Variants in NTRK3 observed in about 807,000 individuals in gnomAD.
NTRK3 encodes the protein neurotrophic receptor tyrosine kinase 3.
A neutral mutation model predicts 91.7 loss-of-function variants in NTRK3; 24 were observed. The ratio of observed to expected loss-of-function variants is 0.26; its 90% confidence interval spans 0.19 to 0.37. NTRK3 has a LOEUF of 0.37. Among genes scored for constraint, NTRK3 ranks in the 10% least tolerant of loss-of-function variants. The pLI is 1.00. For missense variants in NTRK3, 880 were observed against 1,068.9 expected (o/e 0.82, Z 2.46); for synonymous variants, 483 against 404.0 (o/e 1.20, Z -2.34).
intron 17 of NTRK3, 41 bp from the exon 19 acceptor site, chr15:87,880,469 G>A (rs981687072): frequency 6.2e-7 from 1 of 1,603,892 alleles, no homozygotes; most frequent in Non-Finnish European, 8.5e-7. Flanking sequence ...GTGACCAGAT[G>A]GCCAGAATGA....
intron 5 of NTRK3, among the ~76,000 whole-genome samples, chr15:88,170,510 T>A (rs1257062036): frequency 6.6e-6 from 1 of 152,268 alleles, no homozygotes; most frequent in Non-Finnish European, 1.5e-5. Flanking sequence ...TTGTTCACTC[T>A]GTCCTCACAA....
chr15:87,994,661 T>C (rs1454035569), intron 14 of NTRK3, among the ~76,000 whole-genome samples: 5 of 152,138 alleles, frequency 3.3e-5, no homozygotes, highest in Admixed American at 3.3e-4. Flanking sequence ...ACAGCAGCCC[T>C]AGCAAACTAA....
At chr15:87,902,361 A>T (rs918994800) in intron 17 of NTRK3, among the ~76,000 whole-genome samples, 3 of 152,228 alleles carry the variant, frequency 2.0e-5, no homozygotes, top group African/African-American at 7.2e-5. Context: ...TTCACTACTG[A>T]ACATCTAGGT....
At chr15:88,099,827 A>G (rs1336827688) in intron 13 of NTRK3, among the ~76,000 whole-genome samples, 1 of 152,178 alleles carries the variant, frequency 6.6e-6, no homozygotes, top group East Asian at 1.9e-4. Flanking sequence ...ATTGAACGCT[A>G]TGGTGGGGCG....
intron 17 of NTRK3, among the ~76,000 whole-genome samples, chr15:87,917,107 GA>G (rs1161748216): frequency 6.6e-6 from 1 of 152,200 alleles, no homozygotes; most frequent in Non-Finnish European, 1.5e-5. Context: ...TAGTTTTTCT[GA>G]GTCTTATAAT....
chr15:88,256,680 T>C (rs1217080612), exon 1 of NTRK3: 6 of 394,926 alleles, frequency 1.5e-5, no homozygotes, highest in African/African-American at 2.1e-5. Context: ...GAAGATGCAG[T>C]AGGAGCTGCA....
chr15:88,203,869 T>C (rs1049122958), intron 3 of NTRK3, among the ~76,000 whole-genome samples: 8 of 152,198 alleles, frequency 5.3e-5, no homozygotes, highest in Non-Finnish European at 8.8e-5. Context: ...CAAAGATAAT[T>C]TTTTTAAATG....
At chr15:87,970,033 G>A (rs2073126715) in intron 14 of NTRK3, among the ~76,000 whole-genome samples, 1 of 152,182 alleles carries the variant, frequency 6.6e-6, no homozygotes, top group Non-Finnish European at 1.5e-5. Context: ...GTGACTCATG[G>A]GGACATGGTA....
chr15:87,894,440 T>G (rs73452628), intron 17 of NTRK3, among the ~76,000 whole-genome samples: 3,335 of 152,330 alleles, frequency 0.022, 138 homozygotes, highest in African/African-American at 0.076. Flanking sequence ...TGTGTGACAA[T>G]GCATGTGCAT....
chr15:88,148,300 T>A (rs1597603265), intron 5 of NTRK3, among the ~76,000 whole-genome samples: 1 of 152,348 alleles, frequency 6.6e-6, no homozygotes, highest in Non-Finnish European at 1.5e-5. Context: ...AAATATTTAT[T>A]GAGGCTACAC....
chr15:87,896,208 C>T (rs182000340), intron 17 of NTRK3, among the ~76,000 whole-genome samples: 2 of 152,256 alleles, frequency 1.3e-5, no homozygotes, highest in African/African-American at 2.4e-5. Flanking sequence ...TGCAGTGGCT[C>T]ACGCCTGTAA....
intron 3 of NTRK3, among the ~76,000 whole-genome samples, chr15:88,221,945 T>C (rs1373790182): frequency 6.6e-6 from 1 of 152,240 alleles, no homozygotes; most frequent in African/African-American, 2.4e-5. Context: ...CAGAGATAAC[T>C]GCCAGAACCA....
exon 19 of NTRK3, chr15:87,874,974 G>C: frequency 4.3e-6 from 1 of 232,300 alleles, no homozygotes; most frequent in East Asian, 6.1e-5. Context: ...AACCAGCCTC[G>C]TTGATCCCAA....
intron 5 of NTRK3, among the ~76,000 whole-genome samples, chr15:88,182,550 C>T (rs1185127634): frequency 6.6e-6 from 1 of 152,168 alleles, no homozygotes; most frequent in Non-Finnish European, 1.5e-5. Context: ...CAATAGACCC[C>T]TCCCCACCTG....
intron 3 of NTRK3, among the ~76,000 whole-genome samples, chr15:88,223,403 CAGA>C: frequency 6.6e-6 from 1 of 152,194 alleles, no homozygotes; most frequent in East Asian, 1.9e-4. Flanking sequence ...CGCTCAGAGG[CAGA>C]AGGAGCAGCT....
chr15:88,163,963 G>C (rs1027810989), intron 5 of NTRK3, among the ~76,000 whole-genome samples: 1 of 152,148 alleles, frequency 6.6e-6, no homozygotes, highest in Non-Finnish European at 1.5e-5. Flanking sequence ...AACAGAGTCA[G>C]CTTTAGCATC....
intron 13 of NTRK3, among the ~76,000 whole-genome samples, 189 bp downstream of exon 13, chr15:88,126,082 G>A (rs921201327): frequency 1.3e-5 from 2 of 152,152 alleles, no homozygotes; most frequent in East Asian, 1.9e-4. Flanking sequence ...GGTTCCCACA[G>A]ATCCCAACAC....
chr15:88,134,182 G>C (rs147178858), intron 10 of NTRK3, among the ~76,000 whole-genome samples: 2 of 152,290 alleles, frequency 1.3e-5, no homozygotes, highest in African/African-American at 4.8e-5. Context: ...AGGTCTCCTA[G>C]TCACTTCCCA....
intron 5 of NTRK3, among the ~76,000 whole-genome samples, chr15:88,172,389 A>C (rs962817936): frequency 6.6e-6 from 1 of 152,228 alleles, no homozygotes; most frequent in Non-Finnish European, 1.5e-5. Flanking sequence ...ATGAAGCCTT[A>C]GGGAAGAGGG....
Sources: gnomAD v4.1 joint callset for allele counts (sites outside exome capture counted in the v4.1 genomes callset) on GRCh38, gnomAD v4.1.1 for gene constraint, MANE v1.5 for transcripts, NCBI Gene and HGNC (gene_info 2026-07-23, HGNC 2026-07-21) for gene names.